The following NCKAP5 variants were observed in gnomAD, a reference collection of about 807,000 sequenced individuals.
NCKAP5 encodes NCK associated protein 5, also known as nck-associated protein 5.
Under a neutral mutation model 167.0 loss-of-function variants are expected in NCKAP5, and 92 were observed. The ratio of observed to expected loss-of-function variants is 0.55; its 90% CI spans 0.47 to 0.66. NCKAP5 has a LOEUF of 0.66. Ranked by LOEUF, NCKAP5 falls within the 30% of genes least tolerant of loss-of-function variation. The pLI is 0.00. For synonymous variants in NCKAP5, 891 were observed against 877.4 expected, an observed-to-expected ratio of 1.02 and a Z score of -0.27; for missense variants, 2,378 against 2,315.0, an observed-to-expected ratio of 1.03 and a Z score of -0.56.
intron 8 of NCKAP5, among the ~76,000 whole-genome samples, chr2:132,962,124 G>C (rs911270834): frequency 2.0e-5 from 3 of 152,026 alleles, no homozygotes; most frequent in Non-Finnish European, 2.9e-5. Flanking sequence ...GTCTGCCTTC[G>C]GTCACACCTG....
chr2:133,408,390 CT>C (rs1688575458), intron 3 of NCKAP5, among the ~76,000 whole-genome samples: 1 of 152,166 alleles, frequency 6.6e-6, no homozygotes, highest in African/African-American at 2.4e-5. Context: ...CCATAGTATA[CT>C]TATATGGTCC....
chr2:133,530,702 C>G (rs1685293745), intron 2 of NCKAP5, among the ~76,000 whole-genome samples: 1 of 152,098 alleles, frequency 6.6e-6, no homozygotes, highest in Admixed American at 6.6e-5. Context: ...GGCTTATGAA[C>G]CTTTTGACCA....
At chr2:132,958,030 A>T (rs2076393675) in intron 8 of NCKAP5, among the ~76,000 whole-genome samples, 1 of 152,182 alleles carries the variant, frequency 6.6e-6, no homozygotes, top group Non-Finnish European at 1.5e-5. Flanking sequence ...ATGTATACAC[A>T]TTGAAAATAA....
chr2:132,685,747 G>C (rs1685851198), intron 19 of NCKAP5, among the ~76,000 whole-genome samples: 1 of 152,174 alleles, frequency 6.6e-6, no homozygotes, highest in Non-Finnish European at 1.5e-5. Flanking sequence ...AGGTTTCGCA[G>C]AGTAGGTAGA....
At chr2:132,990,563 AT>A (rs2077421162) in intron 7 of NCKAP5, among the ~76,000 whole-genome samples, 1 of 152,212 alleles carries the variant, frequency 6.6e-6, no homozygotes, top group African/African-American at 2.4e-5. Flanking sequence ...CAACTTCAGG[AT>A]CTCAAGATGA....
intron 11 of NCKAP5, among the ~76,000 whole-genome samples, chr2:132,803,755 G>A (rs1685215973): frequency 6.6e-6 from 1 of 152,144 alleles, no homozygotes; most frequent in Non-Finnish European, 1.5e-5. Context: ...ACTGATTTAC[G>A]CTTTATGCTT....
At chr2:133,315,179 A>C (rs1222166389) in intron 3 of NCKAP5, among the ~76,000 whole-genome samples, 1 of 152,052 alleles carries the variant, frequency 6.6e-6, no homozygotes, top group African/African-American at 2.4e-5. Flanking sequence ...TGACTGAAGG[A>C]ATAGGGGGCA....
chr2:133,340,089 T>C (rs1324591382), intron 3 of NCKAP5, among the ~76,000 whole-genome samples: 2 of 152,166 alleles, frequency 1.3e-5, no homozygotes, highest in East Asian at 3.9e-4. Context: ...AGCAAATTAT[T>C]ATGTTTTTAA....
At chr2:133,273,384 G>C (rs757580311) in intron 4 of NCKAP5, among the ~76,000 whole-genome samples, 10 of 151,902 alleles carry the variant, frequency 6.6e-5, no homozygotes, top group African/African-American at 9.7e-5. Flanking sequence ...TTTCACATTG[G>C]GTTATTTGTC....
At chr2:133,160,913 T>C (rs2083769334) in intron 5 of NCKAP5, among the ~76,000 whole-genome samples, 1 of 152,150 alleles carries the variant, frequency 6.6e-6, no homozygotes, top group Admixed American at 6.5e-5. Flanking sequence ...ATCACTGAAC[T>C]GATATCCTCT....
At chr2:132,711,977 A>G (rs1688888586) in intron 19 of NCKAP5, among the ~76,000 whole-genome samples, 1 of 152,226 alleles carries the variant, frequency 6.6e-6, no homozygotes. Context: ...GTGGTTGTAT[A>G]GCGAAGGCTG....
intron 11 of NCKAP5, 46 bp from the exon 12 acceptor site, chr2:132,796,775 T>C: frequency 7.5e-7 from 1 of 1,336,790 alleles, no homozygotes; most frequent in Non-Finnish European, 1.1e-6. Flanking sequence ...AATTTAATTA[T>C]TTGTCTCAAA....
chr2:132,860,676 C>T, intron 10 of NCKAP5, 65 bp from the exon 11 acceptor site: 1 of 1,507,144 alleles, frequency 6.6e-7, no homozygotes. Flanking sequence ...ATATTATAAC[C>T]ATATTTTATA....
intron 6 of NCKAP5, among the ~76,000 whole-genome samples, chr2:133,089,513 A>G (rs1411889334): frequency 1.3e-5 from 2 of 152,224 alleles, no homozygotes; most frequent in Non-Finnish European, 2.9e-5. Context: ...GGTTCAAATG[A>G]TGCCCCTGTT....
chr2:133,147,152 TGTAGA>T (rs1014272359), intron 5 of NCKAP5, among the ~76,000 whole-genome samples: 3 of 152,182 alleles, frequency 2.0e-5, no homozygotes, highest in East Asian at 3.9e-4. Context: ...TGGTTGTAGT[TGTAGA>T]GTAAACAGCT....
At chr2:133,592,467 T>C in the NCKAP5 span, among the ~76,000 whole-genome samples, 2 of 152,360 alleles carry the variant, frequency 1.3e-5, no homozygotes, top group East Asian at 1.9e-4. Context: ...ATTAAAACCA[T>C]GAATTGCTAG....
intron 19 of NCKAP5, among the ~76,000 whole-genome samples, chr2:132,687,484 C>T (rs79961991): frequency 0.03 from 4,598 of 152,084 alleles, 224 homozygotes; most frequent in African/African-American, 0.1. Context: ...TTAGTGTGTG[C>T]GGTTTCTCTG....
intron 3 of NCKAP5, among the ~76,000 whole-genome samples, chr2:133,454,183 CT>C (rs746349194): frequency 4.0e-5 from 6 of 151,852 alleles, no homozygotes; most frequent in Non-Finnish European, 4.4e-5. Flanking sequence ...TAGAACTTGG[CT>C]TTTAGAGGGC....
chr2:132,958,850 C>G (rs981913455), intron 8 of NCKAP5, among the ~76,000 whole-genome samples: 1 of 151,990 alleles, frequency 6.6e-6, no homozygotes, highest in Non-Finnish European at 1.5e-5. Flanking sequence ...CTCACATTCT[C>G]TCTGCTACTA....
Sources: gnomAD v4.1 joint callset for allele counts (sites outside exome capture counted in the v4.1 genomes callset) on GRCh38, gnomAD v4.1.1 for gene constraint, MANE v1.5 for transcripts, NCBI Gene and HGNC (gene_info 2026-07-23, HGNC 2026-07-21) for gene names.